The following SLC39A7 variants were observed in gnomAD, a reference collection of about 807,000 sequenced individuals.
The protein encoded by SLC39A7 is solute carrier family 39 member 7.
In SLC39A7, 25 loss-of-function variants were observed where a neutral mutation model predicts 39.7. That is an observed-to-expected ratio of 0.63 (90% confidence interval 0.46 to 0.88). The LOEUF is 0.88. Ranked by LOEUF, SLC39A7 falls within the 40% of genes least tolerant of loss-of-function variation. SLC39A7 has a pLI of 0.00. For missense variants in SLC39A7, 501 were observed against 592.1 expected (o/e 0.85, Z 1.60); for synonymous variants, 181 against 234.1 (o/e 0.77, Z 2.07).
In SLC39A7 at chr6:33,204,433, C is replaced by T; in HGVS notation, c.*620C>T. On this transcript the variant is annotated 3_prime_UTR_variant, in exon 7 of 7. Coordinates refer to ENST00000374677, the MANE Select transcript of SLC39A7 (RefSeq NM_006979.3). ...GGAAATAAAGACCTCCGATCTTCCG[C>T]CCCACATGCAGTCTTTGTCTTTTTG... 1 of 601,034 alleles carries T rather than the reference C, an allele frequency of 1.7e-6. No homozygotes were observed. The highest frequency in any genetic ancestry group is 3.0e-6 in the Non-Finnish European group (1 of 337,170). 37.2% of individuals were successfully genotyped at this position (601,034 alleles called of 1,614,324 possible).
In SLC39A7 at chr6:33,204,054, G is replaced by C. The variant is rs1774825818; in HGVS notation, c.*241G>C. ...TGTCTGACCATGTTGCATTTGGAAG[G>C]CTAAATGGGGCCATGAAGAAGGCTG... On this transcript the variant is annotated 3_prime_UTR_variant, in exon 7 of 7. Transcript: ENST00000374677. 1 of 595,560 alleles carries C rather than the reference G, an allele frequency of 1.7e-6. No homozygotes were observed. Among genetic ancestry groups the C allele is most frequent in the Non-Finnish European group, 3.0e-6 (1 of 334,976 alleles). The allele number at this position is 595,560 out of a possible 1,614,324, so 36.9% of individuals were successfully genotyped here.
Position 33,202,381 on chromosome 6 carries a change from A to T in SLC39A7, c.753A>T (p.Gly251=), listed in dbSNP as rs1774666272. 1 of 1,612,670 alleles carries T rather than the reference A, an allele frequency of 6.2e-7. No homozygotes were observed. Among genetic ancestry groups the T allele is most frequent in the Admixed American group, 1.7e-5 (1 of 60,002 alleles). Residue 251 remains glycine (G), a synonymous_variant, in exon 4 of 7, where the codon GGA becomes GGT. Coordinates refer to ENST00000374677, the MANE Select transcript of SLC39A7 (RefSeq NM_006979.3). ...GACATGGTCACAGTCATGGACATGG[A>T]CACGCTCACAGTCATACACGTGGAA... ...KGGHGHSHGH[G]HAHSHTRGSH... is the part of the protein sequence containing the mutation.
In SLC39A7 at chr6:33,201,097, G is replaced by A. The variant is rs559136651; in HGVS notation, c.-149G>A. ...AGGTGGTTCGGGATAAAGAGAACTA[G>A]TCTTGGGAACAATGTAGGTGGGAAC... On this transcript the variant is annotated 5_prime_UTR_variant, in exon 1 of 7. Coordinates refer to ENST00000374677, the MANE Select transcript of SLC39A7 (RefSeq NM_006979.3). The surrounding 1 kb of genome is among the most constrained non-coding windows in gnomAD (Gnocchi z 5.9). 7.8e-4 allele frequency: 671 copies of A among 864,850 alleles called. 2 individuals carry two copies. Among genetic ancestry groups the A allele is most frequent in the Non-Finnish European group, 1.0e-3 (537 of 533,532 alleles). 53.6% of individuals were successfully genotyped at this position (864,850 alleles called of 1,614,324 possible).
In SLC39A7 at chr6:33,204,263, T is replaced by G; in HGVS notation, c.*450T>G. 1 of 477,184 alleles carries G rather than the reference T, an allele frequency of 2.1e-6. No individual in the cohort carries two copies. Among genetic ancestry groups the G allele is most frequent in the Non-Finnish European group, 3.8e-6 (1 of 263,042 alleles). 29.6% of individuals were successfully genotyped at this position (477,184 alleles called of 1,614,324 possible). A position where few individuals can be genotyped will look rare whatever the true frequency, so the allele number is the denominator to read the frequency against. On this transcript the variant is annotated 3_prime_UTR_variant, in exon 7 of 7. Transcript: ENST00000374677. ...TAACAGGAGGAGTCGGGGATAAACA[T>G]CAAACATCAATCGTGTGTCCTGATT...
At position 33,203,582 on chromosome 6, in the gene SLC39A7, A is replaced by T; in HGVS notation, c.1179A>T (p.Ala393=). The T allele has an allele frequency of 6.2e-7, 1 of 1,613,848 alleles. No individual in the cohort carries two copies. The highest frequency in any genetic ancestry group is 8.5e-7 in the Non-Finnish European group (1 of 1,179,682). Residue 393 remains alanine (A), a synonymous_variant, in exon 7 of 7, where the codon GCA becomes GCT. Transcript: ENST00000374677. ...TACTGACAGCAGTAGGGGCACTGGC[A>T]GGCACAGCCTGTGCCCTTCTCACTG... ...LQLLTAVGAL[A]GTACALLTEG...
Position 33,201,860 on chromosome 6 carries a change from C to T in SLC39A7, c.527C>T (p.Ala176Val), listed in dbSNP as rs759346381. 3 of 1,612,982 alleles carry T rather than the reference C, an allele frequency of 1.9e-6. No homozygotes were observed. The highest frequency in any genetic ancestry group is 2.5e-6 in the Non-Finnish European group (3 of 1,180,020). ...CTACTTCAGATCTTGCTCAGTTTTG[C>T]TTCCGGTGGGCTCCTGGGAGATGCT... Reference protein sequence around the residue: ...RSLLQILLSFASGGLLGDAFL... With the variant: ...RSLLQILLSFVSGGLLGDAFL... The change falls in exon 2 of 7, where the codon GCT (alanine) becomes GTT (valine). Residue 176 changes from alanine (A) to valine (V), a missense_variant. Transcript: ENST00000374677. This position sits in a 1 kb window ranked among gnomAD's most constrained non-coding sequence, Gnocchi z 5.9.
At position 33,201,129 on chromosome 6, in the gene SLC39A7, GA is replaced by G. The variant is rs992863326; in HGVS notation, c.-115del. 58 of 1,019,198 alleles carry G rather than the reference GA, an allele frequency of 5.7e-5. No individual in the cohort carries two copies. The highest frequency in any genetic ancestry group is 7.9e-5 in the Non-Finnish European group (54 of 680,374). The allele number at this position is 1,019,198 out of a possible 1,614,324, so 63.1% of individuals were successfully genotyped here. ...GAACAATGTAGGTGGGAACTTAAGG[GA>G]ATGGGAGAGCGGCCCATAGAGGTGG... is the stretch of plus-strand genomic sequence containing the variant. On this transcript the variant is annotated 5_prime_UTR_variant, in exon 1 of 7. In the 5' UTR this introduces an upstream ATG that the reference lacks. Transcript: ENST00000374677. This position sits in a 1 kb window ranked among gnomAD's most constrained non-coding sequence, Gnocchi z 5.9.
intron 6 of SLC39A7, 111 bp from the exon 7 acceptor site, chr6:33,203,430 T>G (rs1325805696): frequency 9.2e-7 from 1 of 1,086,230 alleles, no homozygotes; most frequent in Non-Finnish European, 1.3e-6. Context: ...TTTATTTTGA[T>G]GTTTAGTTTC....
At chr6:33,203,287 C>T (rs553771240) in intron 6 of SLC39A7, among the ~76,000 whole-genome samples, 181 bp downstream of exon 6, 145 of 152,310 alleles carry the variant, frequency 9.5e-4, no homozygotes, top group African/African-American at 3.3e-3. Context: ...TTAAACTGGT[C>T]TATAAACCAT....
In SLC39A7 at chr6:33,201,637, C is replaced by G. The variant is rs201621310; in HGVS notation, c.392C>G (p.Ala131Gly). ...GAPGIKQDLD[A>G]VTLWAYALGA... The stretch of plus-strand genomic sequence containing the variant: ...CCAGGCATCAAGCAGGACCTGGATG[C>G]TGTCACTCTCTGGGCTTATGTGAGT... Residue 131 changes from alanine to glycine, a missense_variant, in exon 1 of 7, where the codon GCT becomes GGT. By Grantham distance (60) the Ala-to-Gly change is moderately conservative. Coordinates refer to ENST00000374677, the MANE Select transcript of SLC39A7 (RefSeq NM_006979.3). This position sits in a 1 kb window ranked among gnomAD's most constrained non-coding sequence, Gnocchi z 5.9. The G allele has an allele frequency of 8.1e-6, 13 of 1,610,932 alleles. No homozygotes were observed. Among genetic ancestry groups the G allele is most frequent in the Non-Finnish European group, 1.0e-5 (12 of 1,177,798 alleles).
chr6:33,203,657 G>T lies in SLC39A7; in HGVS notation c.1254G>T (p.Trp418Cys). The change falls in exon 7 of 7, where the codon TGG (tryptophan) becomes TGT (cysteine). Residue 418 changes from tryptophan to cysteine, a missense_variant. Coordinates refer to ENST00000374677, the MANE Select transcript of SLC39A7 (RefSeq NM_006979.3). ...TTGCAGGTGGTGCAGGTCCTGGCTG[G>T]GTCCTGCCATTTACTGCAGGTGGCT... ...SEIAGGAGPG[W>C]VLPFTAGGFI... 3 of 1,614,222 alleles carry T rather than the reference G, an allele frequency of 1.9e-6. No individual in the cohort carries two copies. Among genetic ancestry groups the T allele is most frequent in the Non-Finnish European group, 1.7e-6 (2 of 1,180,046 alleles).
Position 33,201,790 on chromosome 6 carries a change from C to A in SLC39A7, c.457C>A (p.Leu153Ile). ...GATCTCAGCAGCTCCATTTTTTGTC[C>A]TCTTCCTTATCCCCGTGGAGTCGAA... is the stretch of plus-strand genomic sequence containing the variant. ...VLISAAPFFVLFLIPVESNSP... is the reference protein window; with the variant it reads ...VLISAAPFFVIFLIPVESNSP... Residue 153 changes from leucine to isoleucine, a missense_variant, in exon 2 of 7, where the codon CTC becomes ATC. Transcript: ENST00000374677. The surrounding 1 kb of genome is among the most constrained non-coding windows in gnomAD (Gnocchi z 5.9). The A allele has an allele frequency of 1.2e-6, 2 of 1,613,824 alleles. No homozygotes were observed.
Position 33,203,236 on chromosome 6 carries a change from G to A in SLC39A7, c.1137+130G>A, listed in dbSNP as rs376556071. 221 of 849,062 alleles carry A rather than the reference G, an allele frequency of 2.6e-4. 2 individuals carry two copies. In the African/African-American group the frequency reaches 2.7e-3, roughly 11 times the overall value. 52.6% of individuals were successfully genotyped at this position (849,062 alleles called of 1,614,324 possible). Reference sequence around the variant, plus strand: ...TTGACAAGTCCTCTAGAAATGAGGGGGAAGAAGTTCTGGTTACTTTGTCCT... The same window carrying A: ...TTGACAAGTCCTCTAGAAATGAGGGAGAAGAAGTTCTGGTTACTTTGTCCT... On this transcript the variant is annotated intron_variant, in intron 6 of 6. Coordinates refer to ENST00000374677, the MANE Select transcript of SLC39A7 (RefSeq NM_006979.3).
rs1485451880 is a variant in SLC39A7 at position 33,203,657 on chromosome 6, G to C, written c.1254G>C (p.Trp418Cys). The change falls in exon 7 of 7, where the codon TGG (tryptophan) becomes TGC (cysteine). Residue 418 changes from tryptophan to cysteine, a missense_variant. By Grantham distance (215) the Trp-to-Cys change is radical. Coordinates refer to ENST00000374677, the MANE Select transcript of SLC39A7 (RefSeq NM_006979.3). ...TTGCAGGTGGTGCAGGTCCTGGCTG[G>C]GTCCTGCCATTTACTGCAGGTGGCT... ...SEIAGGAGPG[W>C]VLPFTAGGFI... 1.2e-6 allele frequency: 2 copies of C among 1,614,222 alleles called. No homozygotes were observed. Among genetic ancestry groups the C allele is most frequent in the Non-Finnish European group, 1.7e-6 (2 of 1,180,046 alleles).
At position 33,201,661 on chromosome 6, in the gene SLC39A7, G is replaced by T; in HGVS notation, c.411+5G>T. On this transcript the variant is annotated splice_donor_5th_base_variant and intron_variant, in intron 1 of 6. Coordinates refer to ENST00000374677, the MANE Select transcript of SLC39A7 (RefSeq NM_006979.3). This position sits in a 1 kb window ranked among gnomAD's most constrained non-coding sequence, Gnocchi z 5.9. ...GCTGTCACTCTCTGGGCTTATGTGA[G>T]TCTCCAGGGGATGGGAGAGAGAAGG... 1 of 1,610,386 alleles carries T rather than the reference G, an allele frequency of 6.2e-7. No homozygotes were observed. The highest frequency in any genetic ancestry group is 1.1e-5 in the South Asian group (1 of 91,024).
rs746317844 is a variant in SLC39A7, at chr6:33,201,264, GC to G, written c.25del (p.His9ThrfsTer8). 2.5e-6 allele frequency: 4 copies of G among 1,612,806 alleles called. No homozygotes were observed. Among genetic ancestry groups the G allele is most frequent in the Non-Finnish European group, 3.4e-6 (4 of 1,179,588 alleles). On this transcript the variant is annotated frameshift_variant, in exon 1 of 7. Coordinates refer to ENST00000374677, the MANE Select transcript of SLC39A7 (RefSeq NM_006979.3). LOFTEE classifies it high-confidence loss of function. This position sits in a 1 kb window ranked among gnomAD's most constrained non-coding sequence, Gnocchi z 5.9. ...CAGCGTGATGGCCAGAGGCCTGGGGGCCCCCCACTGGGTGGCCGTGGGACTG... is the reference window on the plus strand; with the variant it reads ...CAGCGTGATGGCCAGAGGCCTGGGGGCCCCCACTGGGTGGCCGTGGGACTG... MARGLG[A>X]PHWVAVGLLT...
chr6:33,202,170 G>A (rs1385816906), intron 3 of SLC39A7, 45 bp downstream of exon 3: 2 of 1,606,174 alleles, frequency 1.2e-6, no homozygotes, highest in Non-Finnish European at 1.7e-6. Context: ...TGCTGGGGAA[G>A]GTCCGTCTCT....
chr6:33,204,402 G>A lies in SLC39A7; in HGVS notation c.*589G>A. 1 of 596,856 alleles carries A rather than the reference G, an allele frequency of 1.7e-6. No individual in the cohort carries two copies. The highest frequency in any genetic ancestry group is 2.8e-5 in the East Asian group (1 of 36,044). The allele number at this position is 596,856 out of a possible 1,614,324, so 37.0% of individuals were successfully genotyped here. Reference sequence around the variant, plus strand: ...GTGTTTGAATCGAGGGGGAGGGGTGGTAACCGGAAATAAAGACCTCCGATC... The same window carrying A: ...GTGTTTGAATCGAGGGGGAGGGGTGATAACCGGAAATAAAGACCTCCGATC... On this transcript the variant is annotated 3_prime_UTR_variant, in exon 7 of 7. Coordinates refer to ENST00000374677, the MANE Select transcript of SLC39A7 (RefSeq NM_006979.3).
Position 33,201,743 on chromosome 6 carries a change from A to G in SLC39A7, c.412-2A>G, listed in dbSNP as rs772982581. ...TACTTGACCTTGACTCTCCCTCACCAGGCACTGGGGGCCACAGTGCTGATC... is the reference window on the plus strand; with the variant it reads ...TACTTGACCTTGACTCTCCCTCACCGGGCACTGGGGGCCACAGTGCTGATC... On this transcript the variant is annotated splice_acceptor_variant, in intron 1 of 6. Coordinates refer to ENST00000374677, the MANE Select transcript of SLC39A7 (RefSeq NM_006979.3). LOFTEE classifies it high-confidence loss of function. The surrounding 1 kb of genome is among the most constrained non-coding windows in gnomAD (Gnocchi z 5.9). The G allele has an allele frequency of 6.2e-7, 1 of 1,614,010 alleles. No homozygotes were observed. The highest frequency in any genetic ancestry group is 2.2e-5 in the East Asian group (1 of 44,850).
Sources: allele counts gnomAD v4.1 joint callset (sites outside exome capture counted in the v4.1 genomes callset), GRCh38; gene constraint gnomAD v4.1.1; non-coding constraint Gnocchi (gnomAD v3.1); transcripts MANE v1.5; gene names NCBI Gene and HGNC (gene_info 2026-07-23, HGNC 2026-07-21).